Variants in TRAF3IP3 observed in about 807,000 individuals in gnomAD.
TRAF3IP3 encodes TRAF3-interacting JNK-activating modulator.
In TRAF3IP3, 64 loss-of-function variants were observed where a neutral mutation model predicts 86.5. The ratio of observed to expected loss-of-function variants is 0.74; its 90% CI spans 0.60 to 0.91. The LOEUF is 0.91. TRAF3IP3 is among the 40% of genes least tolerant of loss of function. The pLI is 0.00. For missense variants in TRAF3IP3, 579 were observed against 642.9 expected (o/e 0.90, Z 1.07); for synonymous variants, 220 against 243.9 (o/e 0.90, Z 0.91).
intron 9 of TRAF3IP3, 96 bp downstream of exon 9, chr1:209,773,115 G>T (rs565328951): frequency 1.8e-6 from 2 of 1,097,988 alleles, no homozygotes; most frequent in African/African-American, 3.2e-5. Context: ...AACACCACCA[G>T]ATAGAGAATA....
At chr1:209,764,743 CA>C (rs58783495) in intron 8 of TRAF3IP3, among the ~76,000 whole-genome samples, 2,964 of 99,830 alleles carry the variant, frequency 0.03, 51 homozygotes, top group African/African-American at 0.07. Context: ...GACTCCATCT[CA>C]AAAAAAAAAA....
At chr1:209,767,368 A>G (rs1056462547) in intron 8 of TRAF3IP3, among the ~76,000 whole-genome samples, 1 of 152,158 alleles carries the variant, frequency 6.6e-6, no homozygotes, top group African/African-American at 2.4e-5. Flanking sequence ...TGAGGAAATG[A>G]CTTGTGAATG....
In TRAF3IP3 at chr1:209,778,144, C is replaced by T. The variant is rs2077697980; in HGVS notation, c.1223C>T (p.Thr408Ile). ...AAAAGGTCAGAGGCAGAGAAACTCA[C>T]CCTGGTGACCAGAGTACAGCAGTTG... is the stretch of plus-strand genomic sequence containing the variant. ...QLKRSEAEKL[T>I]LVTRVQQLQG... Residue 408 changes from threonine to isoleucine, a missense_variant, in exon 13 of 17, where the codon ACC (threonine) becomes ATC (isoleucine). Thr to Ile is a moderately conservative substitution (Grantham distance 89, BLOSUM62 -1). Coordinates refer to ENST00000367025, the MANE Select transcript of TRAF3IP3 (RefSeq NM_025228.4). The T allele has an allele frequency of 2.5e-6, 4 of 1,614,154 alleles. No homozygotes were observed. The highest frequency in any genetic ancestry group is 2.2e-5 in the East Asian group (1 of 44,880).
chr1:209,779,221 T>G, intron 13 of TRAF3IP3, 94 bp from the exon 14 acceptor site: 1 of 986,432 alleles, frequency 1.0e-6, no homozygotes. Flanking sequence ...GATGGGAACA[T>G]ATTTAATAAC....
chr1:209,768,394 T>C (rs1406693521), intron 8 of TRAF3IP3: 15 of 985,444 alleles, frequency 1.5e-5, no homozygotes, highest in Non-Finnish European at 1.8e-5. Flanking sequence ...ACAGCTCTAC[T>C]AGCAGAGAAA....
chr1:209,767,877 T>C (rs2077387886), intron 8 of TRAF3IP3, among the ~76,000 whole-genome samples: 2 of 150,396 alleles, frequency 1.3e-5, no homozygotes, highest in South Asian at 2.1e-4. Context: ...CAAGGAGGAG[T>C]TTCACCCCAT....
chr1:209,761,172 C>A (rs1414169387), intron 3 of TRAF3IP3, among the ~76,000 whole-genome samples: 1 of 152,210 alleles, frequency 6.6e-6, no homozygotes, highest in Non-Finnish European at 1.5e-5. Flanking sequence ...CCACTCTTCT[C>A]ACTTCCTCTT....
At chr1:209,778,691 C>T (rs891196184) in intron 13 of TRAF3IP3, 2 of 154,278 alleles carry the variant, frequency 1.3e-5, no homozygotes, top group Non-Finnish European at 2.9e-5. Flanking sequence ...CCTCTGACAC[C>T]TGATAGAGAA....
chr1:209,781,684 C>G, intron 16 of TRAF3IP3: 1 of 503,528 alleles, frequency 2.0e-6, no homozygotes, highest in East Asian at 3.5e-5. Context: ...GAAAGACTTA[C>G]TCTTAGCTAA....
chr1:209,761,482 C>G, intron 3 of TRAF3IP3, among the ~76,000 whole-genome samples: 1 of 152,188 alleles, frequency 6.6e-6, no homozygotes. Context: ...GTTCCCTACC[C>G]AGAGTGGGTA....
At chr1:209,759,419 G>A (rs915410683) in intron 2 of TRAF3IP3, among the ~76,000 whole-genome samples, 5 of 152,204 alleles carry the variant, frequency 3.3e-5, no homozygotes, top group Non-Finnish European at 7.3e-5. Flanking sequence ...AGAGCAGTGG[G>A]TGCTGGTCAC....
Position 209,760,328 on chromosome 1 carries a change from ACTGT to A in TRAF3IP3, c.291_294del (p.Val98SerfsTer18), listed in dbSNP as rs745990329. On this transcript the variant is annotated frameshift_variant, in exon 3 of 17. Transcript: ENST00000367025. LOFTEE classifies it high-confidence loss of function. The stretch of plus-strand genomic sequence containing the variant: ...GCCCTCCAGGCGGCCAGGACAGGTG[ACTGT>A]CCTCAAGGAACCCTTGTCTTGTGCC... The A allele has an allele frequency of 1.2e-6, 2 of 1,613,608 alleles. No homozygotes were observed. Among genetic ancestry groups the A allele is most frequent in the Non-Finnish European group, 1.7e-6 (2 of 1,179,786 alleles).
In TRAF3IP3 at chr1:209,763,082, T is replaced by C; in HGVS notation, c.566T>C (p.Val189Ala). 1 of 1,613,576 alleles carries C rather than the reference T, an allele frequency of 6.2e-7. No homozygotes were observed. The highest frequency in any genetic ancestry group is 8.5e-7 in the Non-Finnish European group (1 of 1,179,722). Residue 189 changes from valine to alanine, a missense_variant, in exon 6 of 17, where the codon GTT becomes GCT. Coordinates refer to ENST00000367025, the MANE Select transcript of TRAF3IP3 (RefSeq NM_025228.4). ...TCTCTTTCCAGTTACGGAGTTGCAG[T>C]TCTGGATAAGGTAAGCACATATTCA... ...ASQQTNYGVA[V>A]LDKEIIQLSD...
intron 8 of TRAF3IP3, among the ~76,000 whole-genome samples, chr1:209,769,072 C>T (rs1264346271): frequency 1.3e-5 from 2 of 152,268 alleles, no homozygotes; most frequent in Admixed American, 6.5e-5. Flanking sequence ...TAAAGCCATA[C>T]TATGGAATGG....
At chr1:209,778,033 T>A (rs985395189) in intron 12 of TRAF3IP3, 78 bp from the exon 13 acceptor site, 15 of 1,237,670 alleles carry the variant, frequency 1.2e-5, no homozygotes, top group Non-Finnish European at 1.8e-5. Context: ...ACAGCATCTA[T>A]TACTAATTTC....
intron 8 of TRAF3IP3, among the ~76,000 whole-genome samples, chr1:209,767,835 G>A (rs1376466084): frequency 6.6e-6 from 1 of 152,048 alleles, no homozygotes; most frequent in African/African-American, 2.4e-5. Context: ...AATGAGGGGG[G>A]ATATATTAAG....
In TRAF3IP3 at chr1:209,780,400, G is replaced by GT. The variant is rs1427077127; in HGVS notation, c.1313-67dup. The GT allele has an allele frequency of 6.5e-6, 9 of 1,391,966 alleles. No individual in the cohort carries two copies. The Admixed American group carries it at 2.1e-4, about 32-fold the overall frequency. 86.2% of individuals were successfully genotyped at this position (1,391,966 alleles called of 1,614,324 possible). A position where few individuals can be genotyped will look rare whatever the true frequency, so the allele number is the denominator to read the frequency against. ...CCCTCCCCTCTCCCCACTCCTAGTGGTTTCACCCTCAGGGCCCTTCCTCAG... is the reference window on the plus strand; with the variant it reads ...CCCTCCCCTCTCCCCACTCCTAGTGGTTTTCACCCTCAGGGCCCTTCCTCAG... On this transcript the variant is annotated intron_variant, in intron 14 of 16. Coordinates refer to ENST00000367025, the MANE Select transcript of TRAF3IP3 (RefSeq NM_025228.4).
chr1:209,778,369 T>C, intron 13 of TRAF3IP3, 196 bp downstream of exon 13: 1 of 509,456 alleles, frequency 2.0e-6, no homozygotes, highest in South Asian at 3.2e-5. Flanking sequence ...CTGTTCTTTT[T>C]TTTCTACTGT....
At chr1:209,762,929 A>G (rs2077272464) in intron 5 of TRAF3IP3, 59 bp downstream of exon 5, 6 of 1,607,886 alleles carry the variant, frequency 3.7e-6, no homozygotes, top group African/African-American at 1.3e-5. Context: ...AGAGAACACA[A>G]TGAATTTCCA....
Sources: allele counts gnomAD v4.1 joint callset (sites outside exome capture counted in the v4.1 genomes callset), GRCh38; gene constraint gnomAD v4.1.1; transcripts MANE v1.5; gene names NCBI Gene and HGNC (gene_info 2026-07-23, HGNC 2026-07-21).